The following WRN variants were observed in gnomAD, a reference collection of about 807,000 sequenced individuals.
WRN encodes WRN RecQ like helicase, also known as bifunctional 3'-5' exonuclease/ATP-dependent helicase WRN.
In WRN, 149 loss-of-function variants were observed where a neutral mutation model predicts 180.7. The observed-to-expected ratio is 0.82, with a 90% CI of 0.72 to 0.94. WRN has a LOEUF of 0.94. WRN is among the 40% of genes least tolerant of loss of function. The pLI, the probability that WRN is intolerant of heterozygous loss-of-function variation, is 0.00. For synonymous variants in WRN, 548 were observed against 568.9 expected (o/e 0.96, Z 0.52); for missense variants, 1,661 against 1,700.1 (o/e 0.98, Z 0.40).
Position 31,076,289 on chromosome 8 carries a change from T to A in WRN, c.839+2T>A, listed in dbSNP as rs1563335982. ...CAGTAAATTGGAAAACCCACGGAGG[T>A]TAAATATTACCTTTTTTTTTTTTAA... is the stretch of plus-strand genomic sequence containing the variant. On this transcript the variant is annotated splice_donor_variant, in intron 8 of 34. Coordinates refer to ENST00000298139, the MANE Select transcript of WRN (RefSeq NM_000553.6). LOFTEE classifies it high-confidence loss of function. 6.2e-7 allele frequency: 1 copy of A among 1,608,084 alleles called. No individual in the cohort carries two copies. The highest frequency in any genetic ancestry group is 8.5e-7 in the Non-Finnish European group (1 of 1,175,196).
chr8:31,147,062 A>G lies in WRN; in HGVS notation c.3393A>G (p.Val1131=). 6.2e-7 allele frequency: 1 copy of G among 1,613,174 alleles called. No homozygotes were observed. Among genetic ancestry groups the G allele is most frequent in the Non-Finnish European group, 8.5e-7 (1 of 1,179,352 alleles). The change falls in exon 29 of 35, where the codon GTA becomes GTG. Residue 1131 remains valine (V), a synonymous_variant. Coordinates refer to ENST00000298139, the MANE Select transcript of WRN (RefSeq NM_000553.6). ...CTTTTAAATATTTTAGTATCATGGT[A>G]CAGTCACCAGAAAAAGCTTACAGTT... The part of the protein sequence containing the change: ...GSNISKKSIM[V]QSPEKAYSSS...
chr8:31,151,257 G>A (rs1441351476), intron 31 of WRN, among the ~76,000 whole-genome samples: 1 of 152,196 alleles, frequency 6.6e-6, no homozygotes, highest in African/African-American at 2.4e-5. Context: ...CATGGGATAA[G>A]TATAAAATGT....
chr8:31,167,865 T>G (rs1803959886), intron 34 of WRN, among the ~76,000 whole-genome samples: 1 of 152,146 alleles, frequency 6.6e-6, no homozygotes. Context: ...GGCATAAATT[T>G]GAAAATTTGA....
At chr8:31,127,801 C>G (rs1801986634) in intron 23 of WRN, among the ~76,000 whole-genome samples, 1 of 151,958 alleles carries the variant, frequency 6.6e-6, no homozygotes, top group African/African-American at 2.4e-5. Flanking sequence ...TTATGTGCCT[C>G]TAGTCCCAGC....
At chr8:31,100,039 A>G (rs144501856) in intron 17 of WRN, among the ~76,000 whole-genome samples, 90 of 152,320 alleles carry the variant, frequency 5.9e-4, no homozygotes, top group Admixed American at 1.1e-3. Context: ...TAATGCTCAG[A>G]GAAGTATCAA....
At chr8:31,040,651 TAA>T (rs1811617318) in intron 1 of WRN, among the ~76,000 whole-genome samples, 1 of 152,146 alleles carries the variant, frequency 6.6e-6, no homozygotes, top group African/African-American at 2.4e-5. Flanking sequence ...TTTGACAACA[TAA>T]AAGTCATTGG....
intron 21 of WRN, 34 bp from the exon 22 acceptor site, chr8:31,124,488 T>C (rs758385602): frequency 6.5e-7 from 1 of 1,530,430 alleles, no homozygotes; most frequent in South Asian, 1.1e-5. Flanking sequence ...GCCAATACAG[T>C]TTTACATATT....
rs758386645 is a variant in WRN at position 31,086,381 on chromosome 8, T to G, written c.1431+1135T>G. On this transcript the variant is annotated intron_variant, in intron 11 of 34. Transcript: ENST00000298139. ...TCATTCCAGGAGTTTGAGACCAACC[T>G]GGGCAACATGGCAAAACCCTCTCTC... Among the ~76,000 whole-genome samples, 20 of 152,080 alleles carry G rather than the reference T, an allele frequency of 1.3e-4. 1 individual carries two copies. The highest frequency in any genetic ancestry group is 2.6e-4 in the Admixed American group (4 of 15,262).
chr8:31,109,129 T>C (rs1006110884), intron 18 of WRN, among the ~76,000 whole-genome samples: 1 of 152,172 alleles, frequency 6.6e-6, no homozygotes, highest in Non-Finnish European at 1.5e-5. Flanking sequence ...AACTACCAGC[T>C]GTAGTGTGGT....
chr8:31,163,066 A>G (rs1439921441), intron 33 of WRN, among the ~76,000 whole-genome samples: 1 of 152,394 alleles, frequency 6.6e-6, no homozygotes, highest in East Asian at 1.9e-4. Context: ...ATACAATTTA[A>G]GAATTCAAAC....
intron 23 of WRN, among the ~76,000 whole-genome samples, chr8:31,131,065 A>G (rs1357064410): frequency 1.3e-5 from 2 of 152,130 alleles, no homozygotes; most frequent in Non-Finnish European, 2.9e-5. Context: ...GACATACACC[A>G]GTTACTTTAT....
chr8:31,063,990 G>A (rs901395783), intron 3 of WRN, among the ~76,000 whole-genome samples: 1 of 152,030 alleles, frequency 6.6e-6, no homozygotes, highest in African/African-American at 2.4e-5. Flanking sequence ...CCAAAGTGCT[G>A]GGATTACAGG....
At chr8:31,053,603 T>G (rs1480563924) in intron 1 of WRN, among the ~76,000 whole-genome samples, 2 of 152,252 alleles carry the variant, frequency 1.3e-5, no homozygotes. Context: ...GTGTAGTTAC[T>G]GGCTTCAAAA....
At chr8:31,116,617 C>G in intron 20 of WRN, 89 bp downstream of exon 20, 1 of 1,552,338 alleles carries the variant, frequency 6.4e-7, no homozygotes, top group Non-Finnish European at 8.8e-7. Context: ...TTATTGAATA[C>G]TTTCTTTGTG....
intron 8 of WRN, among the ~76,000 whole-genome samples, chr8:31,080,031 C>T (rs192882683): frequency 6.6e-6 from 1 of 152,114 alleles, no homozygotes; most frequent in Non-Finnish European, 1.5e-5. Flanking sequence ...CAGGCGCATG[C>T]CACCAAGCCC....
At chr8:31,078,417 G>C (rs76115536) in intron 8 of WRN, among the ~76,000 whole-genome samples, 1 of 152,120 alleles carries the variant, frequency 6.6e-6, no homozygotes, top group Non-Finnish European at 1.5e-5. Flanking sequence ...CGGCATTTCT[G>C]TGGAGTGCAG....
intron 30 of WRN, among the ~76,000 whole-genome samples, chr8:31,149,167 G>A (rs1802989697): frequency 6.6e-6 from 1 of 152,056 alleles, no homozygotes; most frequent in Non-Finnish European, 1.5e-5. Flanking sequence ...GGAGGCCGAG[G>A]CGGGCGGATC....
At chr8:31,062,747 G>T (rs1203011585) in intron 3 of WRN, among the ~76,000 whole-genome samples, 1 of 152,092 alleles carries the variant, frequency 6.6e-6, no homozygotes. Flanking sequence ...AAATGAAACA[G>T]TAAAATACAG....
At chr8:31,054,716 T>A (rs956847572) in intron 1 of WRN, among the ~76,000 whole-genome samples, 5 of 152,192 alleles carry the variant, frequency 3.3e-5, no homozygotes, top group African/African-American at 1.2e-4. Flanking sequence ...CATTATGAAA[T>A]GATAAAATAC....
Sources: gnomAD v4.1 joint callset for allele counts (sites outside exome capture counted in the v4.1 genomes callset) on GRCh38, gnomAD v4.1.1 for gene constraint, MANE v1.5 for transcripts, NCBI Gene and HGNC (gene_info 2026-07-23, HGNC 2026-07-21) for gene names.